LINGO2: variants seen among roughly 807,000 people sequenced by gnomAD.
The protein encoded by LINGO2 is leucine rich repeat and Ig domain containing 2.
In LINGO2, 14 loss-of-function variants were observed where a neutral mutation model predicts 30.6. The ratio of observed to expected loss-of-function variants is 0.46; its 90% CI spans 0.30 to 0.72. LINGO2 has a LOEUF of 0.72. LINGO2 is among the 30% of genes least tolerant of loss of function. LINGO2 has a pLI of 0.07. For missense variants in LINGO2, 729 were observed against 751.7 expected (o/e 0.97, Z 0.35); for synonymous variants, 317 against 288.5 (o/e 1.10, Z -1.00).
the LINGO2 span, among the ~76,000 whole-genome samples, chr9:28,908,613 A>T: frequency 0.74 from 112,058 of 151,272 alleles, 41,631 homozygotes; most frequent in Non-Finnish European, 0.78. Flanking sequence ...TATAGAATGA[A>T]GAATGTGTAT....
At chr9:27,941,448 AAAG>A in the LINGO2 span, 4 of 152,354 alleles carry the variant, frequency 2.6e-5, no homozygotes, top group Admixed American at 2.0e-4. Context: ...AAAGAAAAGA[AAAG>A]AAGAATAGCA....
At chr9:28,573,204 A>G (rs570376065) in intron 1 of LINGO2, among the ~76,000 whole-genome samples, 2 of 152,314 alleles carry the variant, frequency 1.3e-5, no homozygotes, top group Non-Finnish European at 2.9e-5. Context: ...TGTCAGTCAC[A>G]TAAGTAAAGA....
At chr9:28,218,471 T>C (rs983655951) in intron 4 of LINGO2, among the ~76,000 whole-genome samples, 1 of 152,016 alleles carries the variant, frequency 6.6e-6, no homozygotes, top group African/African-American at 2.4e-5. Flanking sequence ...CCAAGCCTGT[T>C]CTGAAGTGGA....
the LINGO2 span, among the ~76,000 whole-genome samples, chr9:28,759,985 T>C: frequency 0.47 from 71,054 of 151,930 alleles, 19,307 homozygotes; most frequent in Non-Finnish European, 0.61. Context: ...GAGTGTGTCA[T>C]GTGCTAGGTT....
intron 1 of LINGO2, among the ~76,000 whole-genome samples, chr9:28,661,720 G>A (rs1438475): frequency 0.37 from 55,909 of 151,878 alleles, 11,577 homozygotes; most frequent in African/African-American, 0.54. Flanking sequence ...TAGATTTAAA[G>A]TTACATTTTT....
chr9:28,460,996 T>C (rs1341486997), intron 2 of LINGO2, among the ~76,000 whole-genome samples: 3 of 152,300 alleles, frequency 2.0e-5, no homozygotes, highest in South Asian at 2.1e-4. Flanking sequence ...CTAGAGAGTA[T>C]TGAAGATACA....
At chr9:27,957,149 A>G (rs1819611104) in intron 5 of LINGO2, among the ~76,000 whole-genome samples, 1 of 152,066 alleles carries the variant, frequency 6.6e-6, no homozygotes, top group African/African-American at 2.4e-5. Flanking sequence ...TCCCTATAAC[A>G]TTACCTGGGG....
At chr9:29,212,360 T>TA in the LINGO2 span, among the ~76,000 whole-genome samples, 1 of 151,802 alleles carries the variant, frequency 6.6e-6, no homozygotes, top group Admixed American at 6.6e-5. Flanking sequence ...TGGGAGCCTC[T>TA]AGCGGAGGCG....
At chr9:29,149,062 A>G in the LINGO2 span, among the ~76,000 whole-genome samples, 1 of 152,202 alleles carries the variant, frequency 6.6e-6, no homozygotes, top group Admixed American at 6.5e-5. Flanking sequence ...ATTCCTAAAC[A>G]TCTCTAGATA....
At chr9:28,244,588 C>A (rs1821929581) in intron 4 of LINGO2, among the ~76,000 whole-genome samples, 1 of 151,932 alleles carries the variant, frequency 6.6e-6, no homozygotes, top group Non-Finnish European at 1.5e-5. Context: ...AGAGAAGATT[C>A]AAATCAACAC....
At chr9:28,548,883 T>C (rs1053817705) in intron 1 of LINGO2, among the ~76,000 whole-genome samples, 4 of 151,964 alleles carry the variant, frequency 2.6e-5, no homozygotes, top group African/African-American at 9.7e-5. Flanking sequence ...CTTAAATACA[T>C]TTATTCATTT....
the LINGO2 span, among the ~76,000 whole-genome samples, chr9:28,844,446 C>T: frequency 2.6e-5 from 4 of 151,890 alleles, no homozygotes; most frequent in Non-Finnish European, 5.9e-5. Context: ...TCTGTCAAGG[C>T]ACTGACTGAG....
the LINGO2 span, among the ~76,000 whole-genome samples, chr9:28,723,187 G>A: frequency 6.6e-6 from 1 of 152,132 alleles, no homozygotes; most frequent in Non-Finnish European, 1.5e-5. Context: ...TTCTGACTCA[G>A]TAAATGTTAG....
At chr9:28,876,170 G>C in the LINGO2 span, among the ~76,000 whole-genome samples, 1 of 151,988 alleles carries the variant, frequency 6.6e-6, no homozygotes, top group Non-Finnish European at 1.5e-5. Context: ...CGATTTTTAA[G>C]ACATTTTCAT....
chr9:27,992,735 T>G (rs182731265), intron 5 of LINGO2, among the ~76,000 whole-genome samples: 1 of 152,194 alleles, frequency 6.6e-6, no homozygotes, highest in African/African-American at 2.4e-5. Flanking sequence ...TCTGGTTGGT[T>G]TTCTCTTTTT....
At chr9:28,937,021 A>G in the LINGO2 span, among the ~76,000 whole-genome samples, 2 of 152,114 alleles carry the variant, frequency 1.3e-5, no homozygotes, top group African/African-American at 4.8e-5. Context: ...GCAGTATTGG[A>G]TTAACAGTAT....
intron 4 of LINGO2, among the ~76,000 whole-genome samples, chr9:28,027,743 G>A (rs189346297): frequency 7.0e-4 from 106 of 152,274 alleles, no homozygotes; most frequent in Non-Finnish European, 1.4e-3. Context: ...AATGAAACAC[G>A]TCATGTCTGC....
the LINGO2 span, among the ~76,000 whole-genome samples, chr9:28,994,913 A>T: frequency 6.6e-6 from 1 of 152,190 alleles, no homozygotes; most frequent in African/African-American, 2.4e-5. Context: ...AACCATAAAA[A>T]CCCTAGAAGA....
At chr9:29,059,301 C>G in the LINGO2 span, among the ~76,000 whole-genome samples, 1 of 150,868 alleles carries the variant, frequency 6.6e-6, no homozygotes, top group Admixed American at 6.6e-5. Context: ...TAAAAAGAAC[C>G]CAACAGCATA....
Sources: allele counts gnomAD v4.1 joint callset (sites outside exome capture counted in the v4.1 genomes callset), GRCh38; gene constraint gnomAD v4.1.1; transcripts MANE v1.5; gene names NCBI Gene and HGNC (gene_info 2026-07-23, HGNC 2026-07-21).